CATSPERE: variants seen among roughly 807,000 people sequenced by gnomAD.
The protein encoded by CATSPERE is cation channel sperm-associated auxiliary subunit epsilon.
Under a neutral mutation model 114.1 loss-of-function variants are expected in CATSPERE, and 93 were observed. That is an observed-to-expected ratio of 0.81 (90% confidence interval 0.69 to 0.97). The LOEUF is 0.97. Ranked by LOEUF, CATSPERE falls within the 50% of genes least tolerant of loss-of-function variation. The probability of loss-of-function intolerance (pLI) is 0.00; values close to 1 mark genes in which losing one functional copy is unlikely to be tolerated. For missense variants in CATSPERE, 1,058 were observed against 1,131.6 expected (o/e 0.93, Z 0.93); for synonymous variants, 341 against 384.1 (o/e 0.89, Z 1.31).
chr1:244,613,027 G>T (rs12133748), intron 19 of CATSPERE, among the ~76,000 whole-genome samples: 27,262 of 152,054 alleles, frequency 0.18, 2,547 homozygotes, highest in African/African-American at 0.2. Flanking sequence ...TAGGAAATAA[G>T]GAAATAGGAA....
rs34664118 is a variant in CATSPERE, at chr1:244,558,138, C to CTTT, written c.1030-2513_1030-2511dup. 1.3e-3 allele frequency among the ~76,000 whole-genome samples: 140 copies of CTTT among 109,382 alleles called. 1 individual carries two copies. Among genetic ancestry groups the CTTT allele is most frequent in the East Asian group, 2.4e-3 (9 of 3,714 alleles). 71.8% of individuals were successfully genotyped at this position (109,382 alleles called of 152,430 possible). On this transcript the variant is annotated intron_variant, in intron 9 of 21. Coordinates refer to ENST00000366534, the MANE Select transcript of CATSPERE (RefSeq NM_001130957.2). Reference sequence around the variant, plus strand: ...GGCCCAATTATTTCTCTCTCTCTCTCTTTTTTTTTTTTTTTTTTTGAGACG... The same window carrying CTTT: ...GGCCCAATTATTTCTCTCTCTCTCTCTTTTTTTTTTTTTTTTTTTTTTGAGACG...
chr1:244,572,821 G>T, intron 11 of CATSPERE, 49 bp downstream of exon 11: 2 of 1,227,764 alleles, frequency 1.6e-6, no homozygotes, highest in South Asian at 3.6e-5. Context: ...AAGTATAAAA[G>T]TATAATATTA....
At chr1:244,602,687 G>C (rs993518333) in intron 17 of CATSPERE, among the ~76,000 whole-genome samples, 3 of 152,198 alleles carry the variant, frequency 2.0e-5, no homozygotes, top group Non-Finnish European at 2.9e-5. Context: ...TCCCAAACTA[G>C]AATTCAGTGC....
chr1:244,532,336 TTCTTC>T (rs1679745454), intron 8 of CATSPERE, among the ~76,000 whole-genome samples: 1 of 152,152 alleles, frequency 6.6e-6, no homozygotes, highest in Non-Finnish European at 1.5e-5. Context: ...GTTATTTCTT[TTCTTC>T]CACTAATTTT....
At chr1:244,561,260 G>C (rs568774789) in intron 10 of CATSPERE, 115 bp downstream of exon 10, 1 of 725,740 alleles carries the variant, frequency 1.4e-6, no homozygotes, top group South Asian at 1.8e-5. Context: ...AGCCAAAGGT[G>C]CACTTCTTAT....
chr1:244,621,315 A>AATATATAT lies in CATSPERE; in HGVS notation c.2648+3652_2648+3659dup, dbSNP rs201672348. 3.4e-4 allele frequency among the ~76,000 whole-genome samples: 9 copies of AATATATAT among 26,322 alleles called. 1 individual carries two copies. The highest frequency in any genetic ancestry group is 1.6e-3 in the South Asian group (1 of 640). 17.3% of individuals were successfully genotyped at this position (26,322 alleles called of 152,430 possible). ...TCTATATAAATATATAAATATATAA[A>AATATATAT]ATATATATATATATATATATATATA... is the stretch of plus-strand genomic sequence containing the variant. On this transcript the variant is annotated intron_variant, in intron 20 of 21. Transcript: ENST00000366534.
intron 19 of CATSPERE, among the ~76,000 whole-genome samples, chr1:244,612,104 G>A (rs757024348): frequency 3.3e-5 from 5 of 152,134 alleles, no homozygotes; most frequent in Admixed American, 6.5e-5. Flanking sequence ...CAGGCCCTGC[G>A]TGTTCCATTC....
intron 7 of CATSPERE, among the ~76,000 whole-genome samples, chr1:244,503,871 A>G (rs2148297053): frequency 6.6e-6 from 1 of 152,276 alleles, no homozygotes; most frequent in South Asian, 2.1e-4. Flanking sequence ...GCACCTAGAA[A>G]ATTATTTCTA....
rs60362833 is a variant in CATSPERE, at chr1:244,621,106, AT to A, written c.2648+3421del. On this transcript the variant is annotated intron_variant, in intron 20 of 21. Transcript: ENST00000366534. ...ATAAATATATATAAAATATATATAA[AT>A]ATATATATAATATATATATAAATAT... Among the ~76,000 whole-genome samples, 3 of 63,228 alleles carry A rather than the reference AT, an allele frequency of 4.7e-5. 1 individual carries two copies. The highest frequency in any genetic ancestry group is 6.7e-5 in the African/African-American group (1 of 14,864). The allele number at this position is 63,228 out of a possible 152,430, so 41.5% of individuals were successfully genotyped here.
chr1:244,552,386 G>C lies in CATSPERE; in HGVS notation c.601G>C (p.Val201Leu). The C allele has an allele frequency of 6.2e-7, 1 of 1,614,138 alleles. No individual in the cohort carries two copies. Among genetic ancestry groups the C allele is most frequent in the Non-Finnish European group, 8.5e-7 (1 of 1,180,018 alleles). The change falls in exon 9 of 22, where the codon GTT (valine) becomes CTT (leucine). Residue 201 changes from valine to leucine, a missense_variant. Val to Leu is a conservative substitution (Grantham distance 32). Transcript: ENST00000366534. ...DALKEIRGNQ[V>L]TFQDCFIADF... is the part of the protein sequence containing the mutation. Reference sequence around the variant, plus strand: ...ACTAAAGGAGATTAGAGGAAACCAAGTTACTTTTCAGGATTGCTTTATTGC... The same window carrying C: ...ACTAAAGGAGATTAGAGGAAACCAACTTACTTTTCAGGATTGCTTTATTGC...
chr1:244,479,822 A>G (rs766183006), intron 5 of CATSPERE, 38 bp downstream of exon 5: 6 of 1,178,034 alleles, frequency 5.1e-6, no homozygotes, highest in Non-Finnish European at 7.2e-6. Flanking sequence ...TTATGCTTTT[A>G]AAGAGTATTT....
At chr1:244,588,572 G>T in intron 14 of CATSPERE, 38 bp downstream of exon 14, 1 of 1,468,718 alleles carries the variant, frequency 6.8e-7, no homozygotes, top group Non-Finnish European at 9.5e-7. Context: ...TACTCTTTAA[G>T]TTTTAAAACA....
chr1:244,610,754 C>CTTTTT (rs56253016), intron 19 of CATSPERE, among the ~76,000 whole-genome samples: 7 of 136,410 alleles, frequency 5.1e-5, no homozygotes, highest in African/African-American at 1.7e-4. Context: ...ATTTTCTTTC[C>CTTTTT]TTTTTTTTTT....
At chr1:244,550,392 GTA>G (rs1410120965) in intron 8 of CATSPERE, among the ~76,000 whole-genome samples, 1 of 152,102 alleles carries the variant, frequency 6.6e-6, no homozygotes, top group Non-Finnish European at 1.5e-5. Context: ...TCTGAAAAGC[GTA>G]TAGTCACAGT....
Position 244,468,197 on chromosome 1 carries a change from A to G in CATSPERE, c.114+4241A>G, listed in dbSNP as rs555558787. Among the ~76,000 whole-genome samples the G allele has an allele frequency of 3.9e-5, 6 of 151,956 alleles. No homozygotes were observed. In the East Asian group the frequency reaches 1.2e-3, roughly 29 times the overall value. On this transcript the variant is annotated intron_variant, in intron 2 of 21. Coordinates refer to ENST00000366534, the MANE Select transcript of CATSPERE (RefSeq NM_001130957.2). Reference sequence around the variant, plus strand: ...AACCTCTGCCTCCCAGGTTCAAGCAATTCTTCTGCCTCAGCCTCCCGAGAA... The same window carrying G: ...AACCTCTGCCTCCCAGGTTCAAGCAGTTCTTCTGCCTCAGCCTCCCGAGAA...
chr1:244,526,581 T>C (rs964557477), intron 8 of CATSPERE, among the ~76,000 whole-genome samples: 6 of 151,814 alleles, frequency 4.0e-5, no homozygotes, highest in African/African-American at 1.5e-4. Context: ...TGCTTTTCAG[T>C]GGTGCTCACC....
intron 8 of CATSPERE, among the ~76,000 whole-genome samples, chr1:244,521,840 T>C (rs1414937861): frequency 1.3e-5 from 2 of 152,170 alleles, no homozygotes; most frequent in Non-Finnish European, 2.9e-5. Flanking sequence ...ATTAATAGCC[T>C]AATGAGATCC....
Position 244,560,844 on chromosome 1 carries a change from G to T in CATSPERE, c.1206G>T (p.Glu402Asp). The change falls in exon 10 of 22, where the codon GAG (glutamate) becomes GAT (aspartate). Residue 402 changes from glutamate to aspartate, a missense_variant. Physicochemically the swap from Glu to Asp is conservative, Grantham distance 45. Coordinates refer to ENST00000366534, the MANE Select transcript of CATSPERE (RefSeq NM_001130957.2). ...TTGAGTATACAGGACACCCTCTGGA[G>T]ATTGCTGTGTTTTTAAATTATTGCA... Reference protein sequence around the residue: ...DRVEYTGHPLEIAVFLNYCTV... With the variant: ...DRVEYTGHPLDIAVFLNYCTV... 6.2e-7 allele frequency: 1 copy of T among 1,614,080 alleles called. No homozygotes were observed. Among genetic ancestry groups the T allele is most frequent in the East Asian group, 2.2e-5 (1 of 44,862 alleles).
rs1666733769 is a variant in CATSPERE, at chr1:244,461,377, C to T, written c.-53C>T. The stretch of plus-strand genomic sequence containing the variant: ...CGGGCCGACGTCCCACGGGAATGCG[C>T]GAGGCCTGGACGGGAGTGGCCGAGG... On this transcript the variant is annotated 5_prime_UTR_variant, in exon 1 of 22. Coordinates refer to ENST00000366534, the MANE Select transcript of CATSPERE (RefSeq NM_001130957.2). 1.5e-6 allele frequency: 2 copies of T among 1,298,502 alleles called. No individual in the cohort carries two copies. The highest frequency in any genetic ancestry group is 2.4e-5 in the South Asian group (1 of 42,304). The allele number at this position is 1,298,502 out of a possible 1,614,324, so 80.4% of individuals were successfully genotyped here.
Sources: gnomAD v4.1 joint callset for allele counts (sites outside exome capture counted in the v4.1 genomes callset) on GRCh38, gnomAD v4.1.1 for gene constraint, MANE v1.5 for transcripts, NCBI Gene and HGNC (gene_info 2026-07-23, HGNC 2026-07-21) for gene names.